Variants in POFUT3 observed in about 807,000 individuals in gnomAD.
POFUT3 encodes protein O-fucosyltransferase 3, also known as GDP-fucose protein O-fucosyltransferase 3.
the POFUT3 span, among the ~76,000 whole-genome samples, chr8:33,397,210 A>G: frequency 6.6e-6 from 1 of 152,254 alleles, no homozygotes; most frequent in Non-Finnish European, 1.5e-5. Context: ...AAAGCAAATT[A>G]AAGTACTTCT....
chr8:33,384,186 A>G, the POFUT3 span, among the ~76,000 whole-genome samples: 3 of 152,090 alleles, frequency 2.0e-5, no homozygotes, highest in Non-Finnish European at 4.4e-5. Flanking sequence ...TGTTACCCCA[A>G]TACTGGTTCC....
chr8:33,414,010 ACT>A, the POFUT3 span, among the ~76,000 whole-genome samples: 4 of 152,046 alleles, frequency 2.6e-5, no homozygotes, highest in Non-Finnish European at 5.9e-5. Context: ...AGAACCAAAG[ACT>A]CTAATCTTCT....
the POFUT3 span, among the ~76,000 whole-genome samples, chr8:33,380,950 A>G: frequency 0.018 from 2,705 of 152,222 alleles, 73 homozygotes; most frequent in African/African-American, 0.062. Flanking sequence ...CATGGACAAC[A>G]TAGTGAGACT....
the POFUT3 span, among the ~76,000 whole-genome samples, chr8:33,319,351 A>G: frequency 2.2e-5 from 1 of 45,986 alleles, no homozygotes; most frequent in Non-Finnish European, 3.6e-5. Flanking sequence ...AATATATTTT[A>G]TATATATTTT....
chr8:33,322,488 T>G, the POFUT3 span, among the ~76,000 whole-genome samples: 1 of 152,144 alleles, frequency 6.6e-6, no homozygotes, highest in South Asian at 2.1e-4. Flanking sequence ...TTGATGACTC[T>G]GATAAGAGAT....
chr8:33,418,088 A>AT, the POFUT3 span, among the ~76,000 whole-genome samples: 2 of 152,102 alleles, frequency 1.3e-5, no homozygotes, highest in Non-Finnish European at 2.9e-5. Context: ...GCAACGCACC[A>AT]TTTTGAGCCC....
At chr8:33,382,698 A>G in the POFUT3 span, among the ~76,000 whole-genome samples, 10 of 152,210 alleles carry the variant, frequency 6.6e-5, no homozygotes, top group African/African-American at 2.4e-4. Context: ...TGCACAAGCA[A>G]GAAACTGACG....
chr8:33,417,396 C>A, the POFUT3 span, among the ~76,000 whole-genome samples: 1 of 152,112 alleles, frequency 6.6e-6, no homozygotes, highest in African/African-American at 2.4e-5. Flanking sequence ...CCGAAACCAT[C>A]TTCCCCTCCC....
At chr8:33,403,016 G>A in the POFUT3 span, among the ~76,000 whole-genome samples, 5 of 151,684 alleles carry the variant, frequency 3.3e-5, no homozygotes, top group Non-Finnish European at 5.9e-5. Flanking sequence ...AGCCGAGATC[G>A]CACCCCTGCA....
chr8:33,385,243 G>A, the POFUT3 span, among the ~76,000 whole-genome samples: 1 of 152,148 alleles, frequency 6.6e-6, no homozygotes, highest in Non-Finnish European at 1.5e-5. Flanking sequence ...TTCCCGGGTG[G>A]TGGGGGAAGG....
the POFUT3 span, among the ~76,000 whole-genome samples, chr8:33,336,618 A>T: frequency 1.3e-5 from 2 of 152,192 alleles, no homozygotes; most frequent in South Asian, 2.1e-4. Context: ...GTATTCAGAA[A>T]GCCTGGGAGG....
At chr8:33,360,352 A>G in the POFUT3 span, among the ~76,000 whole-genome samples, 1 of 151,982 alleles carries the variant, frequency 6.6e-6, no homozygotes, top group African/African-American at 2.4e-5. Flanking sequence ...AGGCTAAGGC[A>G]GGAGAATCAC....
At chr8:33,310,131 T>G in the POFUT3 span, among the ~76,000 whole-genome samples, 1 of 152,182 alleles carries the variant, frequency 6.6e-6, no homozygotes, top group Non-Finnish European at 1.5e-5. Context: ...CTGATCTGAC[T>G]TCTATCTTTG....
At chr8:33,309,441 T>A in the POFUT3 span, among the ~76,000 whole-genome samples, 1 of 150,434 alleles carries the variant, frequency 6.6e-6, no homozygotes, top group Non-Finnish European at 1.5e-5. Flanking sequence ...GAGAGCTTGG[T>A]TGGAGAGTTG....
the POFUT3 span, among the ~76,000 whole-genome samples, chr8:33,350,861 G>A: frequency 5.3e-5 from 8 of 152,090 alleles, no homozygotes; most frequent in Admixed American, 1.3e-4. Flanking sequence ...GTGGATGAAC[G>A]TTCTAAATGT....
At chr8:33,314,879 G>T in the POFUT3 span, among the ~76,000 whole-genome samples, 1 of 152,110 alleles carries the variant, frequency 6.6e-6, no homozygotes, top group Non-Finnish European at 1.5e-5. Flanking sequence ...TAAGAATTAG[G>T]TGAGTTCAGT....
the POFUT3 span, among the ~76,000 whole-genome samples, chr8:33,363,469 A>G: frequency 6.6e-6 from 1 of 152,192 alleles, no homozygotes; most frequent in African/African-American, 2.4e-5. Context: ...CAAAAAATCA[A>G]TGAATTCAGA....
chr8:33,414,987 C>T, the POFUT3 span, among the ~76,000 whole-genome samples: 6 of 151,094 alleles, frequency 4.0e-5, no homozygotes, highest in Non-Finnish European at 7.4e-5. Context: ...AAAGGCCAGG[C>T]GCGGTGGCTC....
chr8:33,392,155 T>C, the POFUT3 span, among the ~76,000 whole-genome samples: 3 of 152,200 alleles, frequency 2.0e-5, no homozygotes, highest in Admixed American at 1.3e-4. Flanking sequence ...TCCTGGTAAC[T>C]TCCCTGAGAT....
Sources: allele counts gnomAD v4.1 joint callset (sites outside exome capture counted in the v4.1 genomes callset), GRCh38; gene constraint gnomAD v4.1.1; transcripts MANE v1.5; gene names NCBI Gene and HGNC (gene_info 2026-07-23, HGNC 2026-07-21).